The following CFAP92 variants were observed in gnomAD, a reference collection of about 807,000 sequenced individuals.
The protein encoded by CFAP92 is uncharacterized protein CFAP92.
CFAP92 carries 86 observed loss-of-function variants against 106.3 expected under a neutral mutation model. That is an observed-to-expected ratio of 0.81 (90% CI 0.68 to 0.97). The LOEUF is 0.97. Among genes scored for constraint, CFAP92 ranks in the 50% least tolerant of loss-of-function variants. CFAP92 has a pLI of 0.00. For missense variants in CFAP92, 1,204 were observed against 1,283.8 expected (o/e 0.94, Z 0.95); for synonymous variants, 477 against 506.4 (o/e 0.94, Z 0.78).
intron 9 of CFAP92, among the ~76,000 whole-genome samples, chr3:128,956,132 C>A (rs1391582661): frequency 9.8e-6 from 1 of 102,358 alleles, no homozygotes; most frequent in Non-Finnish European, 1.8e-5. Flanking sequence ...CATGACCCTG[C>A]CAAATCCCCC....
intron 15 of CFAP92, 29 bp from the exon 16 acceptor site, chr3:128,910,362 G>T: frequency 6.8e-7 from 1 of 1,462,912 alleles, no homozygotes; most frequent in Non-Finnish European, 9.0e-7. Context: ...AGTGACAGGG[G>T]TTCCTGATCC....
the CFAP92 span, among the ~76,000 whole-genome samples, chr3:129,008,062 G>A: frequency 5.9e-5 from 9 of 152,212 alleles, no homozygotes; most frequent in African/African-American, 2.2e-4. Flanking sequence ...AGAACTGGCT[G>A]TAGAGTTCCC....
At chr3:128,955,661 C>G (rs1340337988) in intron 9 of CFAP92, among the ~76,000 whole-genome samples, 14 of 48,078 alleles carry the variant, frequency 2.9e-4, no homozygotes, top group Admixed American at 1.2e-3. Context: ...GCCACCACCC[C>G]GTCTGGGAGG....
the CFAP92 span, among the ~76,000 whole-genome samples, chr3:129,025,137 C>T: frequency 2.0e-5 from 3 of 151,980 alleles, no homozygotes; most frequent in Non-Finnish European, 4.4e-5. Context: ...GATCTGAGCC[C>T]GAGGTTCAAG....
Position 128,945,477 on chromosome 3 carries a change from C to G in CFAP92, c.1852G>C (p.Gly618Arg). The change falls in exon 10 of 16, where the codon GGC becomes CGC. Residue 618 changes from glycine to arginine, a missense_variant. Coordinates refer to ENST00000645291, the MANE Select transcript of CFAP92 (RefSeq NM_001394090.1). ...LGVPRDGHQH[G>R]PMPRGNYLEA... ...AGGTAGTTGCCCCTGGGCATTGGGCCGTGCTGGTGGCCATCTCTGGGGACC... is the reference window on the plus strand; with the variant it reads ...AGGTAGTTGCCCCTGGGCATTGGGCGGTGCTGGTGGCCATCTCTGGGGACC... 1.3e-6 allele frequency: 2 copies of G among 1,536,112 alleles called. No individual in the cohort carries two copies. Among genetic ancestry groups the G allele is most frequent in the Non-Finnish European group, 1.7e-6 (2 of 1,146,892 alleles).
chr3:128,960,725 G>A (rs956269671), intron 9 of CFAP92, among the ~76,000 whole-genome samples: 1 of 152,022 alleles, frequency 6.6e-6, no homozygotes, highest in Non-Finnish European at 1.5e-5. Context: ...CTGGGGAAGG[G>A]GCAAGTACCC....
intron 9 of CFAP92, among the ~76,000 whole-genome samples, chr3:128,946,239 G>A (rs2107730631): frequency 6.6e-6 from 1 of 152,336 alleles, no homozygotes; most frequent in Non-Finnish European, 1.5e-5. Context: ...CTCCCAAAAT[G>A]TGAGTGCCAT....
At chr3:128,958,057 G>A (rs1941583699) in intron 9 of CFAP92, among the ~76,000 whole-genome samples, 1 of 152,100 alleles carries the variant, frequency 6.6e-6, no homozygotes, top group Admixed American at 6.5e-5. Flanking sequence ...CCCTCTACGT[G>A]TGTCTGTCTC....
chr3:129,011,642 G>C, the CFAP92 span, among the ~76,000 whole-genome samples: 1 of 152,178 alleles, frequency 6.6e-6, no homozygotes, highest in Non-Finnish European at 1.5e-5. Context: ...AAAGGGGCAG[G>C]CCTTGAAAAG....
At chr3:129,015,419 C>CCG in the CFAP92 span, among the ~76,000 whole-genome samples, 7 of 151,442 alleles carry the variant, frequency 4.6e-5, no homozygotes, top group African/African-American at 1.7e-4. Context: ...TCTGCTCCTT[C>CCG]GGGGGGGGAG....
chr3:128,953,589 CCCTCT>C (rs1559891487), intron 9 of CFAP92, among the ~76,000 whole-genome samples: 2 of 116,254 alleles, frequency 1.7e-5, no homozygotes, highest in African/African-American at 1.1e-4. Context: ...CTCTCCCTCT[CCCTCT>C]CCCTCCCCCT....
chr3:128,963,072 C>T (rs958602231), intron 9 of CFAP92, among the ~76,000 whole-genome samples: 13 of 152,232 alleles, frequency 8.5e-5, no homozygotes. Flanking sequence ...CGCAAGGCTT[C>T]ACAGACAGCC....
At chr3:128,936,344 C>T (rs936986905) in intron 10 of CFAP92, among the ~76,000 whole-genome samples, 7 of 152,184 alleles carry the variant, frequency 4.6e-5, no homozygotes, top group Admixed American at 1.3e-4. Flanking sequence ...CTTATTGATT[C>T]ACAGGACTTT....
chr3:129,012,246 G>A, the CFAP92 span, among the ~76,000 whole-genome samples: 7 of 152,224 alleles, frequency 4.6e-5, no homozygotes, highest in African/African-American at 7.2e-5. Context: ...AGTACCTACC[G>A]CACAGGGTAA....
Position 128,935,283 on chromosome 3 carries a change from C to T in CFAP92, c.2295G>A (p.Leu765=), listed in dbSNP as rs1209388719. The T allele has an allele frequency of 6.5e-7, 1 of 1,533,130 alleles. No homozygotes were observed. The highest frequency in any genetic ancestry group is 1.2e-5 in the South Asian group (1 of 83,844). 95.0% of individuals were successfully genotyped at this position (1,533,130 alleles called of 1,614,324 possible). A position where few individuals can be genotyped will look rare whatever the true frequency, so the allele number is the denominator to read the frequency against. ...TGCGGAACAGCAGCTGTGAGTTGTA[C>T]AGCACCTTGTATTTCCTGTGTTCTG... is the stretch of plus-strand genomic sequence containing the variant. The part of the protein sequence containing the change: ...PRSEHRKYKV[L]YNSQLLFRSR... Residue 765 remains leucine, a synonymous_variant, in exon 11 of 16, where the codon CTG becomes CTA. Coordinates refer to ENST00000645291, the MANE Select transcript of CFAP92 (RefSeq NM_001394090.1).
intron 15 of CFAP92, 98 bp downstream of exon 15, chr3:128,915,021 G>A (rs1936688990): frequency 4.0e-6 from 5 of 1,259,132 alleles, no homozygotes; most frequent in Non-Finnish European, 5.4e-6. Flanking sequence ...GGTTGATAGT[G>A]TAAACAAAAT....
intron 4 of CFAP92, among the ~76,000 whole-genome samples, chr3:128,980,306 A>G (rs1259956130): frequency 6.0e-5 from 9 of 150,076 alleles, no homozygotes; most frequent in Non-Finnish European, 1.2e-4. Context: ...GGTCAAGGCT[A>G]CAGTGAGCCA....
chr3:129,015,330 C>A, the CFAP92 span, among the ~76,000 whole-genome samples: 159 of 152,312 alleles, frequency 1.0e-3, 1 homozygote, highest in African/African-American at 3.8e-3. Flanking sequence ...CCACCTCCAT[C>A]TACAGCCTCT....
chr3:128,989,838 T>A (rs960367624), intron 2 of CFAP92, among the ~76,000 whole-genome samples: 1 of 152,012 alleles, frequency 6.6e-6, no homozygotes, highest in African/African-American at 2.4e-5. Flanking sequence ...CCTGCCAGTC[T>A]CTGGTAGCAT....
Sources: allele counts gnomAD v4.1 joint callset (sites outside exome capture counted in the v4.1 genomes callset), GRCh38; gene constraint gnomAD v4.1.1; transcripts MANE v1.5; gene names NCBI Gene and HGNC (gene_info 2026-07-23, HGNC 2026-07-21).